Variants in NID2 observed in about 807,000 individuals in gnomAD.
The protein encoded by NID2 is nidogen 2, also known as nidogen-2.
A neutral mutation model predicts 145.4 loss-of-function variants in NID2; 83 were observed. The observed-to-expected ratio is 0.57, with a 90% CI of 0.48 to 0.69. NID2 has a LOEUF of 0.69. Among genes scored for constraint, NID2 ranks in the 30% least tolerant of loss-of-function variants. The probability of loss-of-function intolerance (pLI) is 0.00; values close to 1 mark genes in which losing one functional copy is unlikely to be tolerated. For missense variants in NID2, 1,807 were observed against 1,765.7 expected, an observed-to-expected ratio of 1.02 and a Z score of -0.42; for synonymous variants, 739 against 701.3, an observed-to-expected ratio of 1.05 and a Z score of -0.85.
In NID2 at chr14:52,019,246, T is replaced by G; in HGVS notation, c.2843A>C (p.Gln948Pro). ...GGCCCCAGGGTAGGCATACTGGGCCTGGGCATGGCGCTGCTGTTGTTCACA... is the reference window on the plus strand; with the variant it reads ...GGCCCCAGGGTAGGCATACTGGGCCGGGGCATGGCGCTGCTGTTGTTCACA... Reference protein sequence around the residue: ...TPCEQQQRHAQAQYAYPGARF... With the variant: ...TPCEQQQRHAPAQYAYPGARF... The change falls in exon 14 of 22, where the codon CAG becomes CCG. Residue 948 changes from glutamine to proline, a missense_variant. Gln to Pro is a moderately conservative substitution (Grantham distance 76, BLOSUM62 -1). Coordinates refer to ENST00000216286, the MANE Select transcript of NID2 (RefSeq NM_007361.4). The G allele has an allele frequency of 6.2e-7, 1 of 1,608,824 alleles. No homozygotes were observed. Among genetic ancestry groups the G allele is most frequent in the South Asian group, 1.1e-5 (1 of 90,974 alleles).
chr14:52,015,251 A>T lies in NID2; in HGVS notation c.3053T>A (p.Ile1018Asn), dbSNP rs760763067. ...SPEPTQRPPT[I>N]CERWRENLLE... Reference sequence around the variant, plus strand: ...CAGGTTTTCCCTCCAGCGCTCACAGATGGTCGGGGGCCTCTGGGTGGGCTC... The same window carrying T: ...CAGGTTTTCCCTCCAGCGCTCACAGTTGGTCGGGGGCCTCTGGGTGGGCTC... Residue 1018 changes from isoleucine to asparagine, a missense_variant, in exon 15 of 22, where the codon ATC (isoleucine) becomes AAC (asparagine). Physicochemically the swap from Ile to Asn is moderately radical, Grantham distance 149 (BLOSUM62 -3). Transcript: ENST00000216286. 6.2e-7 allele frequency: 1 copy of T among 1,612,484 alleles called. No individual in the cohort carries two copies. Among genetic ancestry groups the T allele is most frequent in the South Asian group, 1.1e-5 (1 of 91,052 alleles).
intron 9 of NID2, among the ~76,000 whole-genome samples, chr14:52,031,174 G>T (rs142227142): frequency 1.3e-5 from 2 of 152,112 alleles, no homozygotes; most frequent in Admixed American, 6.6e-5. Flanking sequence ...GGTATTGGAA[G>T]GAGTGTCAGA....
In NID2 at chr14:52,068,752, G is replaced by T. The variant is rs1457897956; in HGVS notation, c.228+15C>A. The T allele has an allele frequency of 6.3e-7, 1 of 1,590,636 alleles. No homozygotes were observed. Among genetic ancestry groups the T allele is most frequent in the East Asian group, 2.2e-5 (1 of 44,588 alleles). ...AGAAGCTGCGGGAAAAGTGCCAGGA[G>T]GGGGCTGAACTTACGTAGAGGTTGC... On this transcript the variant is annotated intron_variant, in intron 1 of 21. Coordinates refer to ENST00000216286, the MANE Select transcript of NID2 (RefSeq NM_007361.4).
intron 9 of NID2, among the ~76,000 whole-genome samples, chr14:52,034,423 A>G (rs1891984327): frequency 6.6e-6 from 1 of 152,216 alleles, no homozygotes; most frequent in Non-Finnish European, 1.5e-5. Context: ...CTCTTTGAGA[A>G]ATCTACTACA....
At position 52,007,055 on chromosome 14, in the gene NID2, A is replaced by T. The variant is rs185454315; in HGVS notation, c.3881-395T>A. 200 of 156,708 alleles carry T rather than the reference A, an allele frequency of 1.3e-3. 1 individual carries two copies. Among genetic ancestry groups the T allele is most frequent in the Non-Finnish European group, 2.2e-3 (158 of 70,544 alleles). 9.7% of individuals were successfully genotyped at this position (156,708 alleles called of 1,614,324 possible). ...TTTAACCAAAATCCTTAGTATTTTT[A>T]AAATATTTTCTAGGTAGGAGGAAAA... On this transcript the variant is annotated intron_variant, in intron 19 of 21. Coordinates refer to ENST00000216286, the MANE Select transcript of NID2 (RefSeq NM_007361.4).
rs1431666059 is a variant in NID2, at chr14:52,005,606, T to C, written c.4118-110A>G. Reference sequence around the variant, plus strand: ...TATAAACTAGGTAGATTTAAGGTAGTAAAGACTGGCCCTCAGGGCAGGAAG... The same window carrying C: ...TATAAACTAGGTAGATTTAAGGTAGCAAAGACTGGCCCTCAGGGCAGGAAG... On this transcript the variant is annotated intron_variant, in intron 21 of 21. Coordinates refer to ENST00000216286, the MANE Select transcript of NID2 (RefSeq NM_007361.4). 11 of 1,460,860 alleles carry C rather than the reference T, an allele frequency of 7.5e-6. No individual in the cohort carries two copies. In the East Asian group the frequency reaches 1.6e-4, roughly 21 times the overall value. 90.5% of individuals were successfully genotyped at this position (1,460,860 alleles called of 1,614,324 possible). A position where few individuals can be genotyped will look rare whatever the true frequency, so the allele number is the denominator to read the frequency against.
chr14:52,037,095 G>C (rs1892099851), intron 9 of NID2, among the ~76,000 whole-genome samples: 1 of 152,148 alleles, frequency 6.6e-6, no homozygotes, highest in Non-Finnish European at 1.5e-5. Context: ...TCTTCTAAAA[G>C]TTTTAACTCT....
At chr14:52,037,064 C>A (rs1319884570) in intron 9 of NID2, among the ~76,000 whole-genome samples, 1 of 152,134 alleles carries the variant, frequency 6.6e-6, no homozygotes, top group Non-Finnish European at 1.5e-5. Flanking sequence ...TTCAAAGTCA[C>A]AAAAATTTAC....
chr14:52,034,143 G>A (rs1891975370), intron 9 of NID2, among the ~76,000 whole-genome samples: 1 of 152,048 alleles, frequency 6.6e-6, no homozygotes, highest in African/African-American at 2.4e-5. Context: ...GGGGTGGGAG[G>A]GAAAATCATA....
chr14:52,014,767 CCA>C (rs1438435889), intron 15 of NID2, among the ~76,000 whole-genome samples: 1 of 151,672 alleles, frequency 6.6e-6, no homozygotes, highest in Non-Finnish European at 1.5e-5. Flanking sequence ...TTTTAGGACT[CCA>C]GAGTGACACG....
At chr14:52,022,628 A>T (rs751451524) in intron 12 of NID2, among the ~76,000 whole-genome samples, 1 of 152,138 alleles carries the variant, frequency 6.6e-6, no homozygotes, top group Non-Finnish European at 1.5e-5. Flanking sequence ...CCCCTTTATC[A>T]CTCAGGTAAT....
intron 5 of NID2, among the ~76,000 whole-genome samples, chr14:52,046,846 G>A (rs1892515313): frequency 6.6e-6 from 1 of 152,128 alleles, no homozygotes; most frequent in Non-Finnish European, 1.5e-5. Flanking sequence ...AACACACACT[G>A]TCTCTTTCAG....
At chr14:52,016,805 C>A (rs925510466) in intron 14 of NID2, among the ~76,000 whole-genome samples, 1 of 152,218 alleles carries the variant, frequency 6.6e-6, no homozygotes, top group African/African-American at 2.4e-5. Flanking sequence ...CTCTAAAGAA[C>A]AAAGCTGGGA....
intron 17 of NID2, 143 bp downstream of exon 17, chr14:52,011,411 A>C (rs1212448450): frequency 4.4e-6 from 4 of 906,628 alleles, no homozygotes; most frequent in Admixed American, 2.4e-5. Flanking sequence ...AGAGGGGGCT[A>C]GTCTTATACA....
At chr14:52,015,783 G>A (rs993034816) in intron 14 of NID2, among the ~76,000 whole-genome samples, 1 of 152,188 alleles carries the variant, frequency 6.6e-6, no homozygotes, top group Non-Finnish European at 1.5e-5. Flanking sequence ...GCCATCTTGC[G>A]ACTGGCCAGT....
At chr14:52,008,457 C>G (rs1424433876) in intron 18 of NID2, 1 of 152,790 alleles carries the variant, frequency 6.5e-6, no homozygotes, top group Non-Finnish European at 1.5e-5. Context: ...CACTTGGATT[C>G]CTGACTCACA....
chr14:52,030,612 GAA>G (rs1566755885), intron 9 of NID2, among the ~76,000 whole-genome samples: 2 of 116,096 alleles, frequency 1.7e-5, no homozygotes, highest in Non-Finnish European at 1.8e-5. Flanking sequence ...GAAAGAGAAA[GAA>G]AAAGAAAGAA....
chr14:52,067,973 A>T lies in NID2; in HGVS notation c.419T>A (p.Val140Glu). The T allele has an allele frequency of 6.2e-7, 1 of 1,611,302 alleles. No homozygotes were observed. The highest frequency in any genetic ancestry group is 8.5e-7 in the Non-Finnish European group (1 of 1,178,812). Residue 140 changes from valine to glutamate, a missense_variant, in exon 2 of 22, where the codon GTG becomes GAG. Transcript: ENST00000216286. The stretch of plus-strand genomic sequence containing the variant: ...CGCAGAGCGCGGGAAGCCAGCGCGC[A>T]CATAGCGGGCGGCCAGGCCCAGCAC... ...PAVLGLAARYVRAGFPRSARF... is the reference protein window; with the variant it reads ...PAVLGLAARYERAGFPRSARF...
chr14:52,007,768 G>GTGATGAGAGGT (rs1890847292), intron 19 of NID2, 42 bp downstream of exon 19: 1 of 1,534,410 alleles, frequency 6.5e-7, no homozygotes, highest in South Asian at 1.2e-5. Context: ...CACATTCACT[G>GTGATGAGAGGT]TGATGAGAGG....
Sources: gnomAD v4.1 joint callset for allele counts (sites outside exome capture counted in the v4.1 genomes callset) on GRCh38, gnomAD v4.1.1 for gene constraint, MANE v1.5 for transcripts, NCBI Gene and HGNC (gene_info 2026-07-23, HGNC 2026-07-21) for gene names.